SLC44A1: variants seen among roughly 807,000 people sequenced by gnomAD.
SLC44A1 encodes the protein solute carrier family 44 member 1.
SLC44A1 carries 26 observed loss-of-function variants against 79.3 expected under a neutral mutation model. That is an observed-to-expected ratio of 0.33 (90% CI 0.24 to 0.46). The LOEUF is 0.46. SLC44A1 is among the 20% of genes least tolerant of loss of function. The probability of loss-of-function intolerance (pLI) is 1.00; values close to 1 mark genes in which losing one functional copy is unlikely to be tolerated. For synonymous variants in SLC44A1, 263 were observed against 286.2 expected (o/e 0.92, Z 0.82); for missense variants, 688 against 798.1 (o/e 0.86, Z 1.66).
At chr9:105,368,695 C>G (rs1419997419) in intron 12 of SLC44A1, among the ~76,000 whole-genome samples, 1 of 152,176 alleles carries the variant, frequency 6.6e-6, no homozygotes, top group Non-Finnish European at 1.5e-5. Context: ...GCACACATCT[C>G]AAATTGTAAT....
Position 105,244,711 on chromosome 9 carries a change from C to T in SLC44A1, c.-158C>T. On this transcript the variant is annotated 5_prime_UTR_variant, in exon 1 of 16. Transcript: ENST00000374720. ...TGGCCGGCGCCTGCCTCTAGCCGCG[C>T]CGCCTCTTGAGTACCAGCCGCCGCT... 3.1e-6 allele frequency: 1 copy of T among 318,580 alleles called. No individual in the cohort carries two copies. Among genetic ancestry groups the T allele is most frequent in the Non-Finnish European group, 5.5e-6 (1 of 181,692 alleles). 19.7% of individuals were successfully genotyped at this position (318,580 alleles called of 1,614,324 possible).
Position 105,365,773 on chromosome 9 carries a change from C to T in SLC44A1, c.1410+134C>T. On this transcript the variant is annotated intron_variant, in intron 11 of 15. Coordinates refer to ENST00000374720, the MANE Select transcript of SLC44A1 (RefSeq NM_080546.5). ...AGTCTTTACAAGGCAAAATCCAGCC[C>T]TTCTCCCTTGTCTCCCACTCATGCA... The T allele has an allele frequency of 3.4e-6, 3 of 887,568 alleles. No homozygotes were observed. The South Asian group carries it at 5.2e-5, about 15-fold the overall frequency. 55.0% of individuals were successfully genotyped at this position (887,568 alleles called of 1,614,324 possible).
intron 3 of SLC44A1, among the ~76,000 whole-genome samples, chr9:105,310,888 G>T (rs539396796): frequency 2.0e-5 from 3 of 152,158 alleles, no homozygotes; most frequent in African/African-American, 7.2e-5. Context: ...AAATAACAGC[G>T]ATGAGTGTTT....
chr9:105,420,565 A>C (rs1829232984), intron 15 of SLC44A1, among the ~76,000 whole-genome samples: 1 of 152,114 alleles, frequency 6.6e-6, no homozygotes, highest in Non-Finnish European at 1.5e-5. Context: ...AAGCTTATCC[A>C]AAATGGATGT....
intron 2 of SLC44A1, among the ~76,000 whole-genome samples, chr9:105,309,225 T>C (rs1466901747): frequency 1.3e-5 from 2 of 152,190 alleles, no homozygotes; most frequent in Admixed American, 6.5e-5. Context: ...TTTGCTGATG[T>C]TCACTTAACG....
chr9:105,421,348 C>A (rs1428746851), intron 15 of SLC44A1, among the ~76,000 whole-genome samples: 2 of 152,156 alleles, frequency 1.3e-5, no homozygotes, highest in African/African-American at 4.8e-5. Context: ...TTGTAAGAAT[C>A]ATGAGACAGA....
intron 3 of SLC44A1, among the ~76,000 whole-genome samples, chr9:105,311,038 C>G (rs1325625711): frequency 6.6e-6 from 1 of 152,148 alleles, no homozygotes; most frequent in Non-Finnish European, 1.5e-5. Flanking sequence ...ATGAGTTTTT[C>G]TCTTGATATG....
intron 1 of SLC44A1, among the ~76,000 whole-genome samples, chr9:105,277,283 A>G (rs914124608): frequency 2.0e-5 from 3 of 152,208 alleles, no homozygotes; most frequent in African/African-American, 7.2e-5. Context: ...AGACAATGGA[A>G]CGTGAGTGTG....
chr9:105,250,470 T>C (rs1212315605), intron 1 of SLC44A1, among the ~76,000 whole-genome samples: 1 of 152,268 alleles, frequency 6.6e-6, no homozygotes, highest in African/African-American at 2.4e-5. Context: ...TGTTTTTCTA[T>C]GCTCCCCTTT....
intron 15 of SLC44A1, among the ~76,000 whole-genome samples, chr9:105,423,510 T>A (rs1196420209): frequency 6.6e-6 from 1 of 152,184 alleles, no homozygotes. Flanking sequence ...CACATTTTTA[T>A]CCAGCAATTC....
chr9:105,260,173 G>A (rs1564401191), intron 1 of SLC44A1, among the ~76,000 whole-genome samples: 1 of 152,156 alleles, frequency 6.6e-6, no homozygotes, highest in Non-Finnish European at 1.5e-5. Flanking sequence ...AAGTTTGAGA[G>A]GTTCTTCTTG....
chr9:105,312,330 A>G lies in SLC44A1; in HGVS notation c.269+2464A>G, dbSNP rs1831203261. 2.0e-5 allele frequency among the ~76,000 whole-genome samples: 3 copies of G among 152,206 alleles called. No homozygotes were observed. In the South Asian group the frequency reaches 6.2e-4, roughly 31 times the overall value. On this transcript the variant is annotated intron_variant, in intron 3 of 15. Transcript: ENST00000374720. ...TTCTCATAATTTAAATCCAATATTC[A>G]AAAGTACTCTCATTATATCCTGTAA... is the stretch of plus-strand genomic sequence containing the variant.
intron 4 of SLC44A1, among the ~76,000 whole-genome samples, chr9:105,338,064 C>A (rs1012086576): frequency 3.9e-5 from 6 of 152,154 alleles, no homozygotes; most frequent in Non-Finnish European, 7.3e-5. Flanking sequence ...TTTGTGCCAG[C>A]TGTATGAATA....
intron 13 of SLC44A1, among the ~76,000 whole-genome samples, chr9:105,376,600 C>G (rs1026753847): frequency 6.6e-6 from 1 of 152,060 alleles, no homozygotes; most frequent in Non-Finnish European, 1.5e-5. Flanking sequence ...TCTCAAACTC[C>G]CGACCTCAGG....
At chr9:105,371,448 C>G (rs1449799939) in intron 12 of SLC44A1, among the ~76,000 whole-genome samples, 1 of 152,164 alleles carries the variant, frequency 6.6e-6, no homozygotes, top group Non-Finnish European at 1.5e-5. Flanking sequence ...AATTGGCAGG[C>G]CAGGTGCGGT....
At chr9:105,360,582 C>G (rs1384810707) in intron 7 of SLC44A1, among the ~76,000 whole-genome samples, 2 of 152,182 alleles carry the variant, frequency 1.3e-5, no homozygotes, top group South Asian at 2.1e-4. Flanking sequence ...CAGTCTGGTT[C>G]TTTGAATCTC....
chr9:105,249,691 A>ATT (rs1331556960), intron 1 of SLC44A1, among the ~76,000 whole-genome samples: 50 of 141,784 alleles, frequency 3.5e-4, no homozygotes, highest in African/African-American at 1.2e-3. Flanking sequence ...CACCCAGCTA[A>ATT]TTTTTTTTTT....
At chr9:105,283,554 A>G (rs964442276) in intron 1 of SLC44A1, among the ~76,000 whole-genome samples, 4 of 152,238 alleles carry the variant, frequency 2.6e-5, no homozygotes, top group African/African-American at 7.2e-5. Context: ...AGACACACCT[A>G]TCAACCCAGC....
chr9:105,288,502 C>T (rs1219677653), intron 1 of SLC44A1, among the ~76,000 whole-genome samples: 1 of 152,128 alleles, frequency 6.6e-6, no homozygotes, highest in Non-Finnish European at 1.5e-5. Flanking sequence ...GTGTGTGCCA[C>T]CACACCTGGC....
Sources: gnomAD v4.1 joint callset for allele counts (sites outside exome capture counted in the v4.1 genomes callset) on GRCh38, gnomAD v4.1.1 for gene constraint, MANE v1.5 for transcripts, NCBI Gene and HGNC (gene_info 2026-07-23, HGNC 2026-07-21) for gene names.